Variants in HYCC2 observed in about 807,000 individuals in gnomAD.
The protein encoded by HYCC2 is hyccin 2.
chr2:201,061,725 G>A, the HYCC2 span, among the ~76,000 whole-genome samples: 1 of 150,462 alleles, frequency 6.6e-6, no homozygotes, highest in African/African-American at 2.4e-5. Flanking sequence ...TTTACTGACT[G>A]TCATTTTTTA....
chr2:201,022,449 T>C, the HYCC2 span: 2 of 223,770 alleles, frequency 8.9e-6, no homozygotes, highest in South Asian at 1.1e-4. Flanking sequence ...CCTAGTTATA[T>C]ATTATCAGTA....
the HYCC2 span, among the ~76,000 whole-genome samples, chr2:201,041,757 T>C: frequency 5.3e-5 from 8 of 152,202 alleles, no homozygotes; most frequent in Non-Finnish European, 1.2e-4. Flanking sequence ...TACTATGATT[T>C]CTGGATGTAA....
At chr2:201,058,958 G>T in the HYCC2 span, among the ~76,000 whole-genome samples, 3 of 152,294 alleles carry the variant, frequency 2.0e-5, no homozygotes, top group African/African-American at 7.2e-5. Context: ...TGGAAAGCCT[G>T]AACAGACAAA....
At chr2:201,017,138 C>T in the HYCC2 span, 7 of 1,613,518 alleles carry the variant, frequency 4.3e-6, no homozygotes, top group Admixed American at 1.7e-5. Flanking sequence ...TACGATAGAG[C>T]TCAAACAGCT....
the HYCC2 span, among the ~76,000 whole-genome samples, chr2:201,047,067 A>T: frequency 6.6e-6 from 1 of 152,180 alleles, no homozygotes. Flanking sequence ...AATGTACAAA[A>T]CTGCTGAAGA....
At chr2:200,997,380 A>G in the HYCC2 span, 4 of 1,179,870 alleles carry the variant, frequency 3.4e-6, no homozygotes, top group Non-Finnish European at 5.0e-6. Context: ...TGCTTGGCTT[A>G]GAGAATGTGC....
the HYCC2 span, chr2:201,009,272 G>T: frequency 2.4e-6 from 1 of 412,766 alleles, no homozygotes; most frequent in South Asian, 4.3e-5. Flanking sequence ...AGCTTCTTTT[G>T]GAAATTGCCT....
chr2:201,028,381 T>C, the HYCC2 span, among the ~76,000 whole-genome samples: 1 of 152,174 alleles, frequency 6.6e-6, no homozygotes, highest in Admixed American at 6.5e-5. Flanking sequence ...AAAATGGCCA[T>C]ACTACCCAAG....
the HYCC2 span, among the ~76,000 whole-genome samples, chr2:201,067,624 G>C: frequency 3.2e-4 from 48 of 152,142 alleles, 1 homozygote; most frequent in Non-Finnish European, 4.3e-4. Flanking sequence ...TGAACCGTAA[G>C]TTTCTAAACT....
the HYCC2 span, among the ~76,000 whole-genome samples, chr2:201,026,175 TA>T: frequency 6.6e-6 from 1 of 152,052 alleles, no homozygotes; most frequent in African/African-American, 2.4e-5. Flanking sequence ...TAGTCTCTGA[TA>T]AAACAGACTT....
chr2:201,043,700 G>A, the HYCC2 span, among the ~76,000 whole-genome samples: 1 of 151,802 alleles, frequency 6.6e-6, no homozygotes, highest in Non-Finnish European at 1.5e-5. Flanking sequence ...AGTAGAGACA[G>A]GGATTCACTG....
chr2:201,040,235 A>G, the HYCC2 span, among the ~76,000 whole-genome samples: 3 of 151,842 alleles, frequency 2.0e-5, no homozygotes, highest in African/African-American at 7.3e-5. Flanking sequence ...ACATGGTACC[A>G]GGTGTTTCCT....
At chr2:201,031,035 C>G in the HYCC2 span, among the ~76,000 whole-genome samples, 11 of 152,114 alleles carry the variant, frequency 7.2e-5, no homozygotes, top group South Asian at 2.1e-4. Flanking sequence ...GTGTTGTTGT[C>G]TTCCACAGTA....
chr2:201,027,099 C>A, the HYCC2 span, among the ~76,000 whole-genome samples: 1 of 151,968 alleles, frequency 6.6e-6, no homozygotes, highest in Admixed American at 6.6e-5. Flanking sequence ...AGAGAAGAAT[C>A]AAATAGATGC....
the HYCC2 span, among the ~76,000 whole-genome samples, chr2:201,032,123 G>A: frequency 6.6e-6 from 1 of 152,000 alleles, no homozygotes; most frequent in Non-Finnish European, 1.5e-5. Context: ...ACCATGCCCG[G>A]CTAATTTTTT....
At chr2:201,019,997 TCAC>T in the HYCC2 span, among the ~76,000 whole-genome samples, 241 of 151,906 alleles carry the variant, frequency 1.6e-3, 2 homozygotes, top group African/African-American at 5.7e-3. Context: ...GTTTGGAGGA[TCAC>T]ATGAGTCCAG....
At chr2:200,992,622 G>A in the HYCC2 span, among the ~76,000 whole-genome samples, 4 of 152,130 alleles carry the variant, frequency 2.6e-5, no homozygotes, top group East Asian at 1.9e-4. Flanking sequence ...TTTTCAATGC[G>A]TTCATGAAAA....
chr2:200,988,527 A>G, the HYCC2 span: 1 of 714,498 alleles, frequency 1.4e-6, no homozygotes, highest in Non-Finnish European at 2.2e-6. Context: ...TTTGCATTAT[A>G]ATGTGTAATA....
At chr2:201,026,699 T>C in the HYCC2 span, among the ~76,000 whole-genome samples, 1 of 152,300 alleles carries the variant, frequency 6.6e-6, no homozygotes, top group African/African-American at 2.4e-5. Flanking sequence ...GTGAATAACC[T>C]GCTCCTGAAT....
Sources: gnomAD v4.1 joint callset for allele counts (sites outside exome capture counted in the v4.1 genomes callset) on GRCh38, gnomAD v4.1.1 for gene constraint, MANE v1.5 for transcripts, NCBI Gene and HGNC (gene_info 2026-07-23, HGNC 2026-07-21) for gene names.